Variants in ARHGAP42 observed in about 807,000 individuals in gnomAD.
The protein encoded by ARHGAP42 is rho GTPase-activating protein 42.
A neutral mutation model predicts 125.0 loss-of-function variants in ARHGAP42; 63 were observed. The ratio of observed to expected loss-of-function variants is 0.50; its 90% CI spans 0.41 to 0.62. The LOEUF is 0.62. ARHGAP42 is among the 20% of genes least tolerant of loss of function. The pLI is 0.00. For missense variants in ARHGAP42, 766 were observed against 1,024.2 expected (o/e 0.75, Z 3.44); for synonymous variants, 339 against 351.0 (o/e 0.97, Z 0.38).
chr11:100,752,774 T>A (rs1862490250), intron 1 of ARHGAP42, among the ~76,000 whole-genome samples: 1 of 152,212 alleles, frequency 6.6e-6, no homozygotes, highest in Non-Finnish European at 1.5e-5. Flanking sequence ...AATGAACTTG[T>A]CCTGTGGACA....
At chr11:100,846,290 G>A (rs141506351) in intron 3 of ARHGAP42, among the ~76,000 whole-genome samples, 1 of 152,188 alleles carries the variant, frequency 6.6e-6, no homozygotes, top group East Asian at 1.9e-4. Flanking sequence ...ATGCATTTCT[G>A]ATTTTTCTTC....
intron 1 of ARHGAP42, among the ~76,000 whole-genome samples, chr11:100,731,319 C>T (rs1386068194): frequency 3.3e-5 from 5 of 152,052 alleles, no homozygotes; most frequent in Non-Finnish European, 7.4e-5. Context: ...CCACCATGCC[C>T]GGCTAATTTT....
At chr11:100,726,779 T>C (rs968934597) in intron 1 of ARHGAP42, among the ~76,000 whole-genome samples, 1 of 152,136 alleles carries the variant, frequency 6.6e-6, no homozygotes, top group African/African-American at 2.4e-5. Context: ...GTTGTGGAGG[T>C]GATTGGAATT....
intron 6 of ARHGAP42, among the ~76,000 whole-genome samples, chr11:100,928,687 G>T (rs1442406555): frequency 6.6e-6 from 1 of 152,080 alleles, no homozygotes; most frequent in Non-Finnish European, 1.5e-5. Context: ...TCACAGATCT[G>T]TGCAACGATC....
chr11:100,694,398 TAAG>T (rs915412187), intron 1 of ARHGAP42, among the ~76,000 whole-genome samples: 10 of 152,176 alleles, frequency 6.6e-5, no homozygotes, highest in African/African-American at 2.4e-4. Flanking sequence ...TTTAGATAGA[TAAG>T]AAAGGTTGAA....
intron 3 of ARHGAP42, among the ~76,000 whole-genome samples, chr11:100,846,700 G>A (rs1865073503): frequency 6.6e-6 from 1 of 152,082 alleles, no homozygotes; most frequent in Admixed American, 6.6e-5. Context: ...CAGAGTACTG[G>A]TATCTGCTGT....
chr11:100,834,494 T>A (rs2135099543), intron 3 of ARHGAP42, among the ~76,000 whole-genome samples: 1 of 152,260 alleles, frequency 6.6e-6, no homozygotes, highest in South Asian at 2.1e-4. Context: ...GCTACAGACA[T>A]CATACCTGGG....
rs146126042 is a variant in ARHGAP42, at chr11:100,985,354, A to AT, written c.2457-2153dup. Among the ~76,000 whole-genome samples, 287 of 152,174 alleles carry AT rather than the reference A, an allele frequency of 1.9e-3. 2 individuals carry two copies. The highest frequency in any genetic ancestry group is 6.5e-3 in the African/African-American group (271 of 41,524). On this transcript the variant is annotated intron_variant, in intron 22 of 23. Coordinates refer to ENST00000298815, the MANE Select transcript of ARHGAP42 (RefSeq NM_152432.4). ...GAAGCTGTTGCTATTAGAAAATGTG[A>AT]TTTTTTGGAAAAATATTTCCTTTTT...
chr11:100,789,260 T>C lies in ARHGAP42; in HGVS notation c.251-5845T>C, dbSNP rs148730462. 2.2e-3 allele frequency among the ~76,000 whole-genome samples: 339 copies of C among 152,352 alleles called. 2 individuals are homozygous for C. Among genetic ancestry groups the C allele is most frequent in the African/African-American group, 7.6e-3 (318 of 41,594 alleles). ...TTGCATTGGTTCAATCTGGCTTTTA[T>C]AGACTTCTATAGATTTTTAAGTTTT... On this transcript the variant is annotated intron_variant, in intron 2 of 23. Coordinates refer to ENST00000298815, the MANE Select transcript of ARHGAP42 (RefSeq NM_152432.4).
At chr11:100,924,347 C>A (rs778197043) in intron 6 of ARHGAP42, among the ~76,000 whole-genome samples, 20 of 152,060 alleles carry the variant, frequency 1.3e-4, no homozygotes, top group Non-Finnish European at 2.1e-4. Flanking sequence ...CATAAAACTT[C>A]TATACAGTAT....
intron 3 of ARHGAP42, among the ~76,000 whole-genome samples, chr11:100,836,802 A>G (rs959751475): frequency 2.1e-5 from 3 of 145,314 alleles, no homozygotes; most frequent in African/African-American, 5.1e-5. Flanking sequence ...GTAAGCATAT[A>G]TAATGTCTGG....
intron 4 of ARHGAP42, among the ~76,000 whole-genome samples, chr11:100,867,832 T>G (rs974367215): frequency 2.6e-5 from 4 of 152,220 alleles, no homozygotes; most frequent in Admixed American, 1.3e-4. Context: ...GGTAGACATA[T>G]GACTTTTCCT....
At chr11:100,899,588 A>T (rs1866470416) in intron 4 of ARHGAP42, among the ~76,000 whole-genome samples, 1 of 151,836 alleles carries the variant, frequency 6.6e-6, no homozygotes, top group Non-Finnish European at 1.5e-5. Flanking sequence ...TCCCTTTACC[A>T]TTATGTAATG....
intron 1 of ARHGAP42, among the ~76,000 whole-genome samples, chr11:100,768,841 CTATAAGGTGGT>C (rs1284860373): frequency 6.6e-6 from 1 of 152,200 alleles, no homozygotes; most frequent in Non-Finnish European, 1.5e-5. Context: ...CAAAACAATT[CTATAAGGTGGT>C]TATACCATCT....
intron 9 of ARHGAP42, among the ~76,000 whole-genome samples, chr11:100,942,737 T>G (rs895908865): frequency 1.4e-4 from 22 of 152,132 alleles, no homozygotes; most frequent in Admixed American, 6.5e-5. Context: ...CTTATTGTAC[T>G]TGGGCATTCA....
intron 1 of ARHGAP42, among the ~76,000 whole-genome samples, chr11:100,739,679 A>G (rs1489566042): frequency 1.3e-5 from 2 of 151,894 alleles, no homozygotes; most frequent in East Asian, 3.8e-4. Flanking sequence ...CTCTGCATCT[A>G]ATAAGCCCCT....
chr11:100,858,112 TG>T (rs879281421), intron 3 of ARHGAP42, among the ~76,000 whole-genome samples: 9,080 of 148,816 alleles, frequency 0.061, 422 homozygotes, highest in East Asian at 0.25. Context: ...TGTGTGTGTG[TG>T]TGTGTGTGTG....
chr11:100,848,128 T>TA (rs1436218830), intron 3 of ARHGAP42, among the ~76,000 whole-genome samples: 4 of 152,294 alleles, frequency 2.6e-5, no homozygotes, highest in African/African-American at 9.6e-5. Context: ...TGGGGTAAGG[T>TA]ACACTATGTC....
At chr11:100,967,276 C>G (rs1241002561) in intron 17 of ARHGAP42, among the ~76,000 whole-genome samples, 1 of 152,084 alleles carries the variant, frequency 6.6e-6, no homozygotes. Flanking sequence ...TCCTAAGAGT[C>G]CTTTTGTTTG....
Sources: allele counts gnomAD v4.1 joint callset (sites outside exome capture counted in the v4.1 genomes callset), GRCh38; gene constraint gnomAD v4.1.1; transcripts MANE v1.5; gene names NCBI Gene and HGNC (gene_info 2026-07-23, HGNC 2026-07-21).